Variants in IARS1 observed in about 807,000 individuals in gnomAD.
IARS1 encodes isoleucyl-tRNA synthetase 1.
Under a neutral mutation model 168.2 loss-of-function variants are expected in IARS1, and 124 were observed. The ratio of observed to expected loss-of-function variants is 0.74; its 90% CI spans 0.64 to 0.86. IARS1 has a LOEUF of 0.86. IARS1 is among the 40% of genes least tolerant of loss of function. The pLI is 0.00. For missense variants in IARS1, 1,452 were observed against 1,515.8 expected, an observed-to-expected ratio of 0.96 and a Z score of 0.70; for synonymous variants, 532 against 529.4, an observed-to-expected ratio of 1.00 and a Z score of -0.07.
At chr9:92,221,868 T>C (rs501814) in intron 33 of IARS1, among the ~76,000 whole-genome samples, 15,031 of 152,186 alleles carry the variant, frequency 0.099, 976 homozygotes, top group South Asian at 0.21. Context: ...TGTCAGGCTA[T>C]TTTACAACCC....
At chr9:92,250,455 G>A (rs901588496) in intron 23 of IARS1, among the ~76,000 whole-genome samples, 166 bp from the exon 24 acceptor site, 2 of 152,174 alleles carry the variant, frequency 1.3e-5, no homozygotes, top group Non-Finnish European at 2.9e-5. Context: ...CTCAGCACCC[G>A]GCATCTCCCC....
chr9:92,236,972 G>T (rs901241238), intron 30 of IARS1, among the ~76,000 whole-genome samples: 1 of 152,112 alleles, frequency 6.6e-6, no homozygotes, highest in Non-Finnish European at 1.5e-5. Context: ...CTCACTAGAG[G>T]TTTATTAATT....
chr9:92,287,718 G>A (rs1044820944), intron 4 of IARS1, 73 bp downstream of exon 4: 9 of 1,459,712 alleles, frequency 6.2e-6, no homozygotes, highest in Non-Finnish European at 8.3e-6. Flanking sequence ...AAGCACAAGG[G>A]ACCATAAACC....
intron 6 of IARS1, among the ~76,000 whole-genome samples, chr9:92,281,779 G>A (rs1834610673): frequency 6.6e-6 from 1 of 151,952 alleles, no homozygotes; most frequent in Non-Finnish European, 1.5e-5. Flanking sequence ...TAAATAAAGT[G>A]ACACGAGAGC....
At chr9:92,259,202 G>T (rs555834245) in intron 18 of IARS1, among the ~76,000 whole-genome samples, 1 of 152,152 alleles carries the variant, frequency 6.6e-6, no homozygotes, top group Non-Finnish European at 1.5e-5. Context: ...TATAAAAGAC[G>T]TATATAATCT....
At chr9:92,276,733 A>G (rs1019551378) in intron 9 of IARS1, among the ~76,000 whole-genome samples, 25 of 152,198 alleles carry the variant, frequency 1.6e-4, no homozygotes, top group Admixed American at 7.9e-4. Flanking sequence ...TTATTTCCAC[A>G]TAAGGCCAGG....
At chr9:92,280,038 T>C (rs894695033) in intron 7 of IARS1, among the ~76,000 whole-genome samples, 1 of 152,258 alleles carries the variant, frequency 6.6e-6, no homozygotes, top group African/African-American at 2.4e-5. Flanking sequence ...TATTCATTTA[T>C]CCAATGATAG....
intron 31 of IARS1, among the ~76,000 whole-genome samples, chr9:92,227,460 C>T (rs1236874027): frequency 6.9e-5 from 10 of 144,556 alleles, no homozygotes; most frequent in South Asian, 2.3e-4. Flanking sequence ...CCCTCCCGGA[C>T]GGGGCGGCTG....
At chr9:92,214,726 C>T (rs1009656493) in intron 33 of IARS1, among the ~76,000 whole-genome samples, 3 of 152,198 alleles carry the variant, frequency 2.0e-5, no homozygotes, top group South Asian at 2.1e-4. Flanking sequence ...GCTTAAAAAA[C>T]GGCGCACCAC....
At chr9:92,281,072 T>G (rs746223658) in intron 6 of IARS1, among the ~76,000 whole-genome samples, 179 bp from the exon 7 acceptor site, 1 of 151,582 alleles carries the variant, frequency 6.6e-6, no homozygotes, top group Non-Finnish European at 1.5e-5. Context: ...TTTAAATACT[T>G]TAAAAAATGT....
intron 33 of IARS1, among the ~76,000 whole-genome samples, chr9:92,216,018 G>C (rs1214642610): frequency 6.6e-6 from 1 of 151,280 alleles, no homozygotes; most frequent in Non-Finnish European, 1.5e-5. Context: ...AGGGCAGCCA[G>C]AGAGAAAGGT....
intron 7 of IARS1, among the ~76,000 whole-genome samples, chr9:92,280,183 C>A (rs72750457): frequency 0.031 from 4,658 of 152,308 alleles, 110 homozygotes; most frequent in South Asian, 0.079. Context: ...GCCATAGTGT[C>A]ATCTCATTCA....
At chr9:92,280,074 AC>A (rs1200739948) in intron 7 of IARS1, among the ~76,000 whole-genome samples, 1 of 152,150 alleles carries the variant, frequency 6.6e-6, no homozygotes, top group Non-Finnish European at 1.5e-5. Context: ...CTATCTTTTG[AC>A]TACTGTGAAT....
intron 1 of IARS1, among the ~76,000 whole-genome samples, chr9:92,292,181 C>CTTTT (rs57075703): frequency 8.5e-6 from 1 of 118,054 alleles, no homozygotes; most frequent in African/African-American, 3.2e-5. Context: ...CCACACTCAG[C>CTTTT]TTTTTTTTTT....
At position 92,210,776 on chromosome 9, in the gene IARS1, G is replaced by A; in HGVS notation, c.*31C>T. On this transcript the variant is annotated 3_prime_UTR_variant, in exon 34 of 34. Coordinates refer to ENST00000443024, the MANE Select transcript of IARS1 (RefSeq NM_002161.6). ...GTAGGGGATAGGTGTAATTAGGGAA[G>A]GGCTGACCGAACAACATTGATAAGT... 1 of 1,351,668 alleles carries A rather than the reference G, an allele frequency of 7.4e-7. No homozygotes were observed. The highest frequency in any genetic ancestry group is 1.1e-6 in the Non-Finnish European group (1 of 941,106). 83.7% of individuals were successfully genotyped at this position (1,351,668 alleles called of 1,614,324 possible).
Position 92,293,607 on chromosome 9 carries a change from G to A in IARS1, c.-8+4C>T. 1 of 361,752 alleles carries A rather than the reference G, an allele frequency of 2.8e-6. No homozygotes were observed. Among genetic ancestry groups the A allele is most frequent in the East Asian group, 7.2e-5 (1 of 13,830 alleles). The allele number at this position is 361,752 out of a possible 1,614,324, so 22.4% of individuals were successfully genotyped here. On this transcript the variant is annotated splice_donor_region_variant and intron_variant, in intron 1 of 33. Transcript: ENST00000443024. ...CCGGATCCTGCAGGGAAGAGAGGGCGTACCTGAGGGGCCTCGCGTGCCTGG... is the reference window on the plus strand; with the variant it reads ...CCGGATCCTGCAGGGAAGAGAGGGCATACCTGAGGGGCCTCGCGTGCCTGG...
chr9:92,265,701 AG>A, intron 14 of IARS1, 148 bp from the exon 15 acceptor site: 1 of 680,904 alleles, frequency 1.5e-6, no homozygotes, highest in South Asian at 1.8e-5. Flanking sequence ...ACCATTGCCC[AG>A]GCTGGAGTGC....
chr9:92,253,538 G>A (rs955498926), intron 20 of IARS1, 85 bp from the exon 21 acceptor site: 10 of 819,984 alleles, frequency 1.2e-5, no homozygotes, highest in African/African-American at 1.2e-4. Context: ...CAAAGAAGGG[G>A]CAGCTCCTTC....
intron 1 of IARS1, among the ~76,000 whole-genome samples, chr9:92,290,807 T>C (rs1372162994): frequency 2.0e-5 from 3 of 152,040 alleles, no homozygotes; most frequent in Non-Finnish European, 4.4e-5. Flanking sequence ...TGAAGAAAAA[T>C]ATCTCAAAGT....
Sources: allele counts gnomAD v4.1 joint callset (sites outside exome capture counted in the v4.1 genomes callset), GRCh38; gene constraint gnomAD v4.1.1; transcripts MANE v1.5; gene names NCBI Gene and HGNC (gene_info 2026-07-23, HGNC 2026-07-21).